Variants in FAM209A observed in about 807,000 individuals in gnomAD.
The protein encoded by FAM209A is protein FAM209A.
Under a neutral mutation model 9.8 loss-of-function variants are expected in FAM209A, and 4 were observed. The ratio of observed to expected loss-of-function variants is 0.41; its 90% CI spans 0.20 to 0.94. FAM209A has a LOEUF of 0.94. Among genes scored for constraint, FAM209A ranks in the 40% least tolerant of loss-of-function variants. The pLI, the probability that FAM209A is intolerant of heterozygous loss-of-function variation, is 0.32. For missense variants in FAM209A, 205 were observed against 209.4 expected (o/e 0.98, Z 0.13); for synonymous variants, 55 against 77.8 (o/e 0.71, Z 1.54).
At chr20:56,533,429 A>G in the FAM209A span, 33 of 1,613,534 alleles carry the variant, frequency 2.0e-5, no homozygotes, top group Non-Finnish European at 2.5e-5. Context: ...ACAGAAAACT[A>G]GCGAACCCCA....
Position 56,525,952 on chromosome 20 carries a change from T to C in FAM209A, c.398T>C (p.Leu133Pro). 1 of 1,614,216 alleles carries C rather than the reference T, an allele frequency of 6.2e-7. No individual in the cohort carries two copies. Among genetic ancestry groups the C allele is most frequent in the Non-Finnish European group, 8.5e-7 (1 of 1,180,048 alleles). Reference protein sequence around the residue: ...LMKFVSKVRNLKRAMATGSGS... With the variant: ...LMKFVSKVRNPKRAMATGSGS... ...AAATTTGTGTCCAAAGTGCGGAATCTTAAACGTGCCATGGCAACAGGTAGT... is the reference window on the plus strand; with the variant it reads ...AAATTTGTGTCCAAAGTGCGGAATCCTAAACGTGCCATGGCAACAGGTAGT... Residue 133 changes from leucine to proline, a missense_variant, in exon 2 of 2, where the codon CTT (leucine) becomes CCT (proline). Coordinates refer to ENST00000371328, the MANE Select transcript of FAM209A (RefSeq NM_001012971.4).
chr20:56,528,379 G>C (rs901146673), downstream of FAM209A, among the ~76,000 whole-genome samples: 1 of 136,308 alleles, frequency 7.3e-6, no homozygotes, highest in African/African-American at 2.8e-5. Flanking sequence ...GATCACTTGA[G>C]CCCAGAGGTT....
chr20:56,531,979 T>TTTTC, the FAM209A span, among the ~76,000 whole-genome samples: 1,809 of 60,792 alleles, frequency 0.03, 40 homozygotes, highest in African/African-American at 0.091. Flanking sequence ...CTTTTCTTTT[T>TTTTC]TTTTTTTTTT....
chr20:56,527,781 C>T (rs891665185), downstream of FAM209A, among the ~76,000 whole-genome samples: 1 of 152,192 alleles, frequency 6.6e-6, no homozygotes, highest in Non-Finnish European at 1.5e-5. Flanking sequence ...GTCCCAACCC[C>T]GGGCCCTGAA....
In FAM209A at chr20:56,525,848, A is replaced by G; in HGVS notation, c.294A>G (p.Pro98=). The G allele has an allele frequency of 1.2e-6, 2 of 1,614,184 alleles. No individual in the cohort carries two copies. Among genetic ancestry groups the G allele is most frequent in the Non-Finnish European group, 1.7e-6 (2 of 1,180,024 alleles). Reference sequence around the variant, plus strand: ...TTCGAGGCGGCCAACTTCACTCTCCATTAAAGAAAAAAAGAAATGCTTCCC... The same window carrying G: ...TTCGAGGCGGCCAACTTCACTCTCCGTTAAAGAAAAAAAGAAATGCTTCCC... ...PGLRGGQLHS[P]LKKKRNASPN... is the part of the protein sequence containing the mutation. Residue 98 remains proline (P), a synonymous_variant, in exon 2 of 2, where the codon CCA becomes CCG. Transcript: ENST00000371328.
Position 56,526,074 on chromosome 20 carries a change from G to A in FAM209A, c.*4G>A. The A allele has an allele frequency of 6.3e-7, 1 of 1,580,276 alleles. No homozygotes were observed. Among genetic ancestry groups the A allele is most frequent in the Non-Finnish European group, 8.6e-7 (1 of 1,163,528 alleles). On this transcript the variant is annotated 3_prime_UTR_variant, in exon 2 of 2. Transcript: ENST00000371328. Reference sequence around the variant, plus strand: ...GGGAGAAGAAAGCTCTAGCTGAATGGATTTGTGTGTCAGGAGAGAAAAAAG... The same window carrying A: ...GGGAGAAGAAAGCTCTAGCTGAATGAATTTGTGTGTCAGGAGAGAAAAAAG...
chr20:56,531,265 T>A, the FAM209A span, among the ~76,000 whole-genome samples: 1 of 152,078 alleles, frequency 6.6e-6, no homozygotes, highest in Non-Finnish European at 1.5e-5. Flanking sequence ...TAAAGCTTCC[T>A]GTTCTTATCA....
the FAM209A span, among the ~76,000 whole-genome samples, chr20:56,532,480 C>CTTTT: frequency 2.6e-4 from 28 of 108,232 alleles, no homozygotes; most frequent in East Asian, 3.8e-3. Context: ...TTTTCTTTTT[C>CTTTT]TTTTTTTTTT....
At chr20:56,532,347 G>A in the FAM209A span, among the ~76,000 whole-genome samples, 2 of 152,104 alleles carry the variant, frequency 1.3e-5, no homozygotes, top group African/African-American at 2.4e-5. Flanking sequence ...ATAGGGAGTG[G>A]TGGGGACTGT....
chr20:56,533,573 G>A, the FAM209A span: 1 of 1,614,176 alleles, frequency 6.2e-7, no homozygotes. Context: ...GTGTCAAAGA[G>A]ACAGTGAGAA....
At chr20:56,532,773 C>T in the FAM209A span, among the ~76,000 whole-genome samples, 12 of 152,254 alleles carry the variant, frequency 7.9e-5, no homozygotes, top group South Asian at 8.3e-4. Flanking sequence ...TGAGCTGCCG[C>T]GCCCGGCCAC....
At chr20:56,526,660 A>G (rs76500048), downstream of FAM209A, among the ~76,000 whole-genome samples, 1,005 of 149,452 alleles carry the variant, frequency 6.7e-3, 79 homozygotes, top group East Asian at 0.16. Flanking sequence ...AAAAAAAAAA[A>G]GGGGGATGAG....
the FAM209A span, chr20:56,533,093 G>C: frequency 1.1e-6 from 1 of 934,078 alleles, no homozygotes; most frequent in Non-Finnish European, 1.3e-6. Flanking sequence ...GCAGGGAATT[G>C]GCACCCCGTC....
chr20:56,527,650 A>C (rs942149200), downstream of FAM209A, among the ~76,000 whole-genome samples: 1 of 152,202 alleles, frequency 6.6e-6, no homozygotes, highest in African/African-American at 2.4e-5. Context: ...ATGAGGCAGG[A>C]GGCCATGGCT....
In FAM209A at chr20:56,526,034, G is replaced by T. The variant is rs1054364; in HGVS notation, c.480G>T (p.Thr160=). 4.3e-6 allele frequency: 7 copies of T among 1,611,338 alleles called. No homozygotes were observed. The highest frequency in any genetic ancestry group is 5.9e-6 in the Non-Finnish European group (7 of 1,178,568). ...TGCCTGCAGATCCATACCATGTCAC[G>T]ATCTGTGAAATATGGGGAGAAGAAA... The part of the protein sequence containing the change: ...SEMPADPYHV[T]ICEIWGEESS... Residue 160 remains threonine, a synonymous_variant, in exon 2 of 2, where the codon ACG becomes ACT. Coordinates refer to ENST00000371328, the MANE Select transcript of FAM209A (RefSeq NM_001012971.4).
the FAM209A span, chr20:56,533,455 T>C: frequency 2.0e-6 from 3 of 1,497,124 alleles, no homozygotes; most frequent in Non-Finnish European, 2.8e-6. Flanking sequence ...AGGTGCCGTG[T>C]GGAGAGCACT....
chr20:56,533,398 C>T, the FAM209A span: 5 of 1,613,982 alleles, frequency 3.1e-6, no homozygotes, highest in African/African-American at 2.7e-5. Context: ...GCAGCTATGC[C>T]TTTATGTTCT....
At chr20:56,531,654 C>A in the FAM209A span, among the ~76,000 whole-genome samples, 4 of 150,214 alleles carry the variant, frequency 2.7e-5, no homozygotes, top group African/African-American at 9.8e-5. Flanking sequence ...GAAACACAGT[C>A]TCACTCTGTC....
chr20:56,531,765 G>A, the FAM209A span, among the ~76,000 whole-genome samples: 5 of 150,836 alleles, frequency 3.3e-5, no homozygotes, highest in Non-Finnish European at 5.9e-5. Context: ...AGCTGAGATT[G>A]CAGGCGTGCA....
Sources: allele counts gnomAD v4.1 joint callset (sites outside exome capture counted in the v4.1 genomes callset), GRCh38; gene constraint gnomAD v4.1.1; transcripts MANE v1.5; gene names NCBI Gene and HGNC (gene_info 2026-07-23, HGNC 2026-07-21).